FBRSL1: variants seen among roughly 807,000 people sequenced by gnomAD.
The protein encoded by FBRSL1 is fibrosin-1-like protein.
Under a neutral mutation model 89.6 loss-of-function variants are expected in FBRSL1, and 51 were observed. That is an observed-to-expected ratio of 0.57 (90% CI 0.45 to 0.72). The LOEUF (loss-of-function observed/expected upper bound fraction) is 0.72, where lower values mean the gene tolerates loss of function less well. Among genes scored for constraint, FBRSL1 ranks in the 30% least tolerant of loss-of-function variants. FBRSL1 has a pLI of 0.00. For missense variants in FBRSL1, 1,618 were observed against 1,451.8 expected, an observed-to-expected ratio of 1.11 and a Z score of -1.86; for synonymous variants, 779 against 681.1, an observed-to-expected ratio of 1.14 and a Z score of -2.24.
rs146973466 is a variant in FBRSL1 at position 132,531,169 on chromosome 12, G to A, written c.615+3181G>A. ...GGACCAAGAACCGGTCCCATGGGAC[G>A]CATGCCCAGGAGCAGGACAGGACCC... On this transcript the variant is annotated intron_variant, in intron 4 of 18. Transcript: ENST00000680143. Among the ~76,000 whole-genome samples the A allele has an allele frequency of 2.6e-3, 396 of 152,158 alleles. 6 individuals carry two copies. Among genetic ancestry groups the A allele is most frequent in the African/African-American group, 8.6e-3 (358 of 41,464 alleles).
rs1201110347 is a variant in FBRSL1 at position 132,490,373 on chromosome 12, A to G, written c.-198A>G. ...CCCAGCCGCCCGCGCCGGGGGTCCC[A>G]GGCCGCGCCGGGCCCGGGGCTGAGC... On this transcript the variant is annotated 5_prime_UTR_variant, in exon 1 of 19. Coordinates refer to ENST00000680143, the MANE Select transcript of FBRSL1 (RefSeq NM_001367871.1). 2 of 173,672 alleles carry G rather than the reference A, an allele frequency of 1.2e-5. No homozygotes were observed. The highest frequency in any genetic ancestry group is 2.1e-4 in the South Asian group (1 of 4,744). The allele number at this position is 173,672 out of a possible 1,614,324, so 10.8% of individuals were successfully genotyped here.
intron 4 of FBRSL1, among the ~76,000 whole-genome samples, chr12:132,540,309 GCCCCCA>G (rs2037152526): frequency 2.1e-5 from 1 of 46,600 alleles, no homozygotes; most frequent in Admixed American, 2.0e-4. Flanking sequence ...CCAGCCCCGT[GCCCCCA>G]CCCACCCAGT....
At position 132,546,282 on chromosome 12, in the gene FBRSL1, A is replaced by G. The variant is rs1018146727; in HGVS notation, c.616-1721A>G. ...ACTCAGAGGCCCAGGGCCACCAGCA[A>G]AGCTGGTCTGCATGTCGGGGTCCTG... On this transcript the variant is annotated intron_variant, in intron 4 of 18. Coordinates refer to ENST00000680143, the MANE Select transcript of FBRSL1 (RefSeq NM_001367871.1). This position sits in a 1 kb window ranked among gnomAD's most constrained non-coding sequence, Gnocchi z 4.0. 3.9e-5 allele frequency among the ~76,000 whole-genome samples: 6 copies of G among 152,234 alleles called. No homozygotes were observed. Among genetic ancestry groups the G allele is most frequent in the African/African-American group, 1.4e-4 (6 of 41,470 alleles).
intron 4 of FBRSL1, among the ~76,000 whole-genome samples, chr12:132,544,220 A>G (rs983552769): frequency 6.6e-6 from 1 of 152,174 alleles, no homozygotes; most frequent in Admixed American, 6.5e-5. Flanking sequence ...GACAACAAGT[A>G]CTGAGAAGTG....
At chr12:132,497,590 G>A (rs2032248566) in intron 1 of FBRSL1, among the ~76,000 whole-genome samples, 1 of 152,104 alleles carries the variant, frequency 6.6e-6, no homozygotes, top group African/African-American at 2.4e-5. Context: ...GCTTTCAGGA[G>A]CCCACGGGCC....
intron 5 of FBRSL1, among the ~76,000 whole-genome samples, chr12:132,559,835 C>G (rs1156591517): frequency 6.6e-6 from 1 of 151,858 alleles, no homozygotes; most frequent in African/African-American, 2.4e-5. Context: ...CCCGGGTGGC[C>G]GTGATCGGAG....
Position 132,583,608 on chromosome 12 carries a change from C to T in FBRSL1, c.2839C>T (p.Pro947Ser). 1.0e-6 allele frequency: 1 copy of T among 991,530 alleles called. No individual in the cohort carries two copies. 61.4% of individuals were successfully genotyped at this position (991,530 alleles called of 1,614,324 possible). A position where few individuals can be genotyped will look rare whatever the true frequency, so the allele number is the denominator to read the frequency against. ...ALHNGLLARTPPAAAALGAPP... is the reference protein window; with the variant it reads ...ALHNGLLARTSPAAAALGAPP... ...GCACAATGGGCTCCTGGCGCGGACC[C>T]CGCCCGCCGCCGCCGCCCTCGGCGC... is the stretch of plus-strand genomic sequence containing the variant. The change falls in exon 19 of 19, where the codon CCG becomes TCG. Residue 947 changes from proline to serine, a missense_variant. Transcript: ENST00000680143.
intron 11 of FBRSL1, among the ~76,000 whole-genome samples, chr12:132,573,613 T>G (rs1363193016): frequency 6.6e-6 from 1 of 152,164 alleles, no homozygotes; most frequent in Non-Finnish European, 1.5e-5. Flanking sequence ...CACAGCTGCT[T>G]CTGGGCAGGG....
chr12:132,524,034 GC>G (rs2035583388), intron 2 of FBRSL1, among the ~76,000 whole-genome samples: 1 of 152,198 alleles, frequency 6.6e-6, no homozygotes, highest in African/African-American at 2.4e-5. Flanking sequence ...GAAGGTGCCG[GC>G]CCCGGGCTCT....
rs528103378 is a variant in FBRSL1 at position 132,555,116 on chromosome 12, G to A, written c.645+7084G>A. Among the ~76,000 whole-genome samples the A allele has an allele frequency of 3.3e-5, 5 of 152,308 alleles. 1 individual carries two copies. The highest frequency in any genetic ancestry group is 7.2e-5 in the African/African-American group (3 of 41,574). ...TTCCTTGCCTGTAAAATGGAGTAGCGCCTGCCAAGGACGGCTGTGGGGATG... is the reference window on the plus strand; with the variant it reads ...TTCCTTGCCTGTAAAATGGAGTAGCACCTGCCAAGGACGGCTGTGGGGATG... On this transcript the variant is annotated intron_variant, in intron 5 of 18. Coordinates refer to ENST00000680143, the MANE Select transcript of FBRSL1 (RefSeq NM_001367871.1).
intron 5 of FBRSL1, among the ~76,000 whole-genome samples, chr12:132,550,472 G>A (rs1030676385): frequency 1.3e-5 from 2 of 152,100 alleles, no homozygotes; most frequent in Admixed American, 6.5e-5. Flanking sequence ...GCTTCTGTTG[G>A]GGGGCAGCTC....
chr12:132,581,308 C>T lies in FBRSL1; in HGVS notation c.1835-131C>T, dbSNP rs2040730939. ...TACTCTGACTGGACACGCTTCACCC[C>T]TCAGGGCATGCGAGAGAATGGGAGG... On this transcript the variant is annotated intron_variant, in intron 15 of 18. Transcript: ENST00000680143. The T allele has an allele frequency of 2.6e-6, 4 of 1,533,176 alleles. No individual in the cohort carries two copies. In the African/African-American group the frequency reaches 5.5e-5, roughly 21 times the overall value. The allele number at this position is 1,533,176 out of a possible 1,614,324, so 95.0% of individuals were successfully genotyped here. A position where few individuals can be genotyped will look rare whatever the true frequency, so the allele number is the denominator to read the frequency against.
chr12:132,563,711 C>T (rs1259663248), intron 5 of FBRSL1, among the ~76,000 whole-genome samples: 1 of 148,316 alleles, frequency 6.7e-6, no homozygotes, highest in Non-Finnish European at 1.5e-5. Flanking sequence ...CGACTGTATA[C>T]CCACCCCCGT....
chr12:132,520,866 A>C (rs1423370874), intron 2 of FBRSL1, among the ~76,000 whole-genome samples: 1 of 152,236 alleles, frequency 6.6e-6, no homozygotes, highest in Admixed American at 6.5e-5. Context: ...TGTGCCAGGC[A>C]CCTGCTCTCA....
chr12:132,577,354 C>T (rs937775475), intron 15 of FBRSL1, among the ~76,000 whole-genome samples: 3 of 152,174 alleles, frequency 2.0e-5, no homozygotes, highest in Non-Finnish European at 4.4e-5. Flanking sequence ...CGAGGCTGCC[C>T]CTTTCTGTCT....
chr12:132,556,442 G>A (rs1332989355), intron 5 of FBRSL1, among the ~76,000 whole-genome samples: 2 of 152,046 alleles, frequency 1.3e-5, no homozygotes, highest in Non-Finnish European at 2.9e-5. Context: ...AAGCCTGCTG[G>A]GTGCGTCTGA....
intron 12 of FBRSL1, 70 bp from the exon 13 acceptor site, chr12:132,574,249 T>C: frequency 6.9e-7 from 1 of 1,458,378 alleles, no homozygotes; most frequent in Non-Finnish European, 9.0e-7. Context: ...AGACGGGCTG[T>C]GTCCCCTGCA....
intron 2 of FBRSL1, chr12:132,510,120 C>G: frequency 8.2e-7 from 1 of 1,225,602 alleles, no homozygotes; most frequent in Non-Finnish European, 1.0e-6. Context: ...GCAGCCCTGC[C>G]CACCCAAGCG....
intron 4 of FBRSL1, among the ~76,000 whole-genome samples, chr12:132,528,926 G>T (rs2036029613): frequency 6.6e-6 from 1 of 152,182 alleles, no homozygotes; most frequent in African/African-American, 2.4e-5. Flanking sequence ...CTGGGAGGCT[G>T]GGCGCCGACC....
Sources: gnomAD v4.1 joint callset for allele counts (sites outside exome capture counted in the v4.1 genomes callset) on GRCh38, gnomAD v4.1.1 for gene constraint, Gnocchi (gnomAD v3.1) non-coding constraint, MANE v1.5 for transcripts, NCBI Gene and HGNC (gene_info 2026-07-23, HGNC 2026-07-21) for gene names.